DST: variants seen among roughly 807,000 people sequenced by gnomAD.
The protein encoded by DST is bullous pemphigoid antigen.
Under a neutral mutation model 875.2 loss-of-function variants are expected in DST, and 253 were observed. The ratio of observed to expected loss-of-function variants is 0.29; its 90% CI spans 0.26 to 0.32. The LOEUF is 0.32. Ranked by LOEUF, DST falls within the 10% of genes least tolerant of loss-of-function variation. DST has a pLI of 1.00. For missense variants in DST, 8,287 were observed against 9,111.6 expected (o/e 0.91, Z 3.68); for synonymous variants, 3,124 against 3,197.1 (o/e 0.98, Z 0.77).
intron 5 of DST, among the ~76,000 whole-genome samples, chr6:56,722,004 T>C (rs2099418539): frequency 6.6e-6 from 1 of 152,236 alleles, no homozygotes; most frequent in South Asian, 2.1e-4. Context: ...ATTTTATTTA[T>C]GAACAATGAA....
rs536530246 is a variant in DST at position 56,782,437 on chromosome 6, C to A, written c.626-47148G>T. 2.0e-3 allele frequency among the ~76,000 whole-genome samples: 307 copies of A among 151,418 alleles called. 9 individuals are homozygous for A. Among genetic ancestry groups the A allele is most frequent in the South Asian group, 1.2e-3 (6 of 4,816 alleles). On this transcript the variant is annotated intron_variant, in intron 4 of 103. Transcript: ENST00000680361. Reference sequence around the variant, plus strand: ...GTCTATTCAGAGATTCAACTTCTTCCTGGTTTAGTCTTGGGAGAGTGCATG... The same window carrying A: ...GTCTATTCAGAGATTCAACTTCTTCATGGTTTAGTCTTGGGAGAGTGCATG...
chr6:56,509,990 CTCTT>C lies in DST; in HGVS notation c.18781-121_18781-118del, dbSNP rs2096436825. 5.9e-6 allele frequency: 5 copies of C among 846,194 alleles called. No homozygotes were observed. In the South Asian group the frequency reaches 1.0e-4, roughly 17 times the overall value. 52.4% of individuals were successfully genotyped at this position (846,194 alleles called of 1,614,324 possible). A position where few individuals can be genotyped will look rare whatever the true frequency, so the allele number is the denominator to read the frequency against. On this transcript the variant is annotated intron_variant, in intron 73 of 103. Coordinates refer to ENST00000680361, the MANE Select transcript of DST (RefSeq NM_001374736.1). Reference sequence around the variant, plus strand: ...GTCAGAATTAAGAATAAATCTTAGCCTCTTTATCAACAGACCCATTCAAAAGTTA... The same window carrying C: ...GTCAGAATTAAGAATAAATCTTAGCCTATCAACAGACCCATTCAAAAGTTA...
In DST at chr6:56,506,678, T is replaced by C. The variant is rs984325617; in HGVS notation, c.19351A>G (p.Ser6451Gly). 2 of 1,613,476 alleles carry C rather than the reference T, an allele frequency of 1.2e-6. No homozygotes were observed. The highest frequency in any genetic ancestry group is 2.2e-5 in the East Asian group (1 of 44,856). The stretch of plus-strand genomic sequence containing the variant: ...TAAGCCAGTTGTACCTCATCTATAC[T>C]CTTCTTGACAATGGGTTTATCAGGC... Reference protein sequence around the residue: ...GEPDKPIVKKSIDELNSAWDS... With the variant: ...GEPDKPIVKKGIDELNSAWDS... Residue 6451 changes from serine to glycine, a missense_variant, in exon 76 of 104, where the codon AGT (serine) becomes GGT (glycine). By Grantham distance (56) the Ser-to-Gly change is moderately conservative. Coordinates refer to ENST00000680361, the MANE Select transcript of DST (RefSeq NM_001374736.1).
intron 2 of DST, among the ~76,000 whole-genome samples, chr6:56,903,361 C>T (rs746590929): frequency 2.0e-5 from 3 of 152,204 alleles, no homozygotes; most frequent in Non-Finnish European, 4.4e-5. Context: ...CACAGCCATT[C>T]TGCAAAACAA....
At chr6:56,912,292 CCTGT>C (rs747916127) in intron 2 of DST, among the ~76,000 whole-genome samples, 1 of 152,122 alleles carries the variant, frequency 6.6e-6, no homozygotes, top group Non-Finnish European at 1.5e-5. Context: ...CTAATCCTGA[CCTGT>C]CTAACAGAGT....
chr6:56,547,741 C>T (rs1038204132), intron 61 of DST, among the ~76,000 whole-genome samples: 1 of 152,172 alleles, frequency 6.6e-6, no homozygotes, highest in African/African-American at 2.4e-5. Flanking sequence ...CTCAAACTGC[C>T]TGTCTTCCTT....
intron 10 of DST, among the ~76,000 whole-genome samples, chr6:56,663,950 T>A (rs1301439663): frequency 6.6e-6 from 1 of 152,042 alleles, no homozygotes; most frequent in African/African-American, 2.4e-5. Context: ...AAAAGGAAAA[T>A]TATTTATTTA....
chr6:56,592,715 C>A (rs2098301164), intron 48 of DST, among the ~76,000 whole-genome samples: 1 of 152,054 alleles, frequency 6.6e-6, no homozygotes, highest in African/African-American at 2.4e-5. Context: ...TTTAAAGGTG[C>A]TTAATAAATT....
chr6:56,569,620 G>A (rs964001852), intron 54 of DST, among the ~76,000 whole-genome samples: 2 of 152,134 alleles, frequency 1.3e-5, no homozygotes, highest in Non-Finnish European at 2.9e-5. Context: ...TACTAGAATA[G>A]TCAGCAACTC....
intron 4 of DST, among the ~76,000 whole-genome samples, chr6:56,850,818 A>G (rs1445825614): frequency 6.6e-6 from 1 of 152,256 alleles, no homozygotes; most frequent in Admixed American, 6.5e-5. Flanking sequence ...CATCTCATGT[A>G]TTAATTAATC....
chr6:56,767,814 T>C (rs957818574), intron 4 of DST, among the ~76,000 whole-genome samples: 7 of 152,040 alleles, frequency 4.6e-5, no homozygotes, highest in African/African-American at 1.7e-4. Flanking sequence ...GGGGGGCATC[T>C]GAATAAGACT....
chr6:56,707,647 C>T (rs1050943536), intron 5 of DST, among the ~76,000 whole-genome samples: 1 of 152,192 alleles, frequency 6.6e-6, no homozygotes, highest in African/African-American at 2.4e-5. Flanking sequence ...CTTCTTGTGT[C>T]TTTCTCACTC....
intron 53 of DST, among the ~76,000 whole-genome samples, chr6:56,571,123 C>A (rs1036989108): frequency 4.7e-4 from 72 of 152,284 alleles, no homozygotes; most frequent in African/African-American, 1.7e-3. Flanking sequence ...ATGCTCTGCA[C>A]CACGGAGGCA....
intron 45 of DST, among the ~76,000 whole-genome samples, chr6:56,599,300 A>G (rs941868243): frequency 4.0e-5 from 6 of 151,636 alleles, no homozygotes; most frequent in Non-Finnish European, 5.9e-5. Context: ...TTTATCATGC[A>G]TTTTCATTCT....
chr6:56,508,778 C>A, intron 74 of DST, 23 bp from the exon 75 acceptor site: 1 of 1,578,630 alleles, frequency 6.3e-7, no homozygotes, highest in South Asian at 1.1e-5. Context: ...ACAATATCCA[C>A]AAGGCGACTG....
At chr6:56,937,043 C>A (rs1813355895) in intron 2 of DST, among the ~76,000 whole-genome samples, 1 of 151,028 alleles carries the variant, frequency 6.6e-6, no homozygotes, top group African/African-American at 2.4e-5. Flanking sequence ...AAAACTAAAA[C>A]TATATGTAAG....
intron 49 of DST, among the ~76,000 whole-genome samples, chr6:56,588,347 A>G (rs2098202890): frequency 6.6e-6 from 1 of 152,124 alleles, no homozygotes; most frequent in South Asian, 2.1e-4. Context: ...TTTTCATGCA[A>G]CCTACCCCCG....
Position 56,532,418 on chromosome 6 carries a change from A to C in DST, c.17034T>G (p.Asp5678Glu). 6.2e-7 allele frequency: 1 copy of C among 1,613,602 alleles called. No individual in the cohort carries two copies. Among genetic ancestry groups the C allele is most frequent in the Non-Finnish European group, 8.5e-7 (1 of 1,179,696 alleles). ...TGAGCTGTTTCAAAATCTTCACTTT[A>C]TCTGCGGGCTCTGCTGTTGTAGCAA... ...EKIATTAEPA[D>E]KVKILKQLSL... Residue 5678 changes from aspartate to glutamate, a missense_variant, in exon 64 of 104, where the codon GAT becomes GAG. Physicochemically the swap from Asp to Glu is conservative, Grantham distance 45. Around this residue, in one of 10 missense-constraint regions of DST, gnomAD observed 777 missense variants for 764.8 expected, o/e 1.02. Coordinates refer to ENST00000680361, the MANE Select transcript of DST (RefSeq NM_001374736.1).
intron 5 of DST, among the ~76,000 whole-genome samples, chr6:56,723,445 T>A (rs2099429895): frequency 6.6e-6 from 1 of 152,052 alleles, no homozygotes; most frequent in African/African-American, 2.4e-5. Context: ...ATGCTTGTAA[T>A]CCCAGCTACT....
Sources: allele counts gnomAD v4.1 joint callset (sites outside exome capture counted in the v4.1 genomes callset), GRCh38; gene constraint gnomAD v4.1.1; regional missense constraint gnomAD v4.1.1; transcripts MANE v1.5; gene names NCBI Gene and HGNC (gene_info 2026-07-23, HGNC 2026-07-21).